Variants in GREB1L observed in about 807,000 individuals in gnomAD.
The protein encoded by GREB1L is GREB1 like retinoic acid receptor coactivator.
In GREB1L, 17 loss-of-function variants were observed where a neutral mutation model predicts 200.8. The observed-to-expected ratio is 0.08, with a 90% CI of 0.06 to 0.13. The LOEUF is 0.13. Among genes scored for constraint, GREB1L ranks in the 10% least tolerant of loss-of-function variants. The pLI is 1.00. For synonymous variants in GREB1L, 789 were observed against 893.0 expected (o/e 0.88, Z 2.08); for missense variants, 1,657 against 2,367.7 (o/e 0.70, Z 6.23).
At chr18:21,269,512 C>T (rs1323851490) in intron 1 of GREB1L, among the ~76,000 whole-genome samples, 1 of 152,060 alleles carries the variant, frequency 6.6e-6, no homozygotes, top group Non-Finnish European at 1.5e-5. Context: ...ATGTAGTATA[C>T]AAGATAACAA....
chr18:21,451,944 C>A, intron 13 of GREB1L, 139 bp from the exon 14 acceptor site: 1 of 690,988 alleles, frequency 1.4e-6, no homozygotes, highest in South Asian at 1.9e-5. Flanking sequence ...ATAAAGATGG[C>A]CAAGTGTAAA....
chr18:21,520,621 TC>T, intron 31 of GREB1L, 66 bp from the exon 32 acceptor site: 3 of 1,506,160 alleles, frequency 2.0e-6, no homozygotes, highest in Admixed American at 3.9e-5. Flanking sequence ...ACTGAGTCAT[TC>T]TGCTGAACTG....
intron 1 of GREB1L, among the ~76,000 whole-genome samples, chr18:21,348,481 A>C (rs1209191591): frequency 6.6e-6 from 1 of 152,094 alleles, no homozygotes; most frequent in Non-Finnish European, 1.5e-5. Context: ...TCTACAAAAA[A>C]TTTAAAAATT....
intron 2 of GREB1L, among the ~76,000 whole-genome samples, chr18:21,375,989 C>T (rs1307257373): frequency 6.6e-6 from 1 of 152,202 alleles, no homozygotes; most frequent in Non-Finnish European, 1.5e-5. Flanking sequence ...ATGTGCTTCA[C>T]ATACAACTTT....
rs1160255119 is a variant in GREB1L, at chr18:21,483,706, T to C, written c.2557-1914T>C. Among the ~76,000 whole-genome samples the C allele has an allele frequency of 2.0e-5, 3 of 152,102 alleles. No homozygotes were observed. In the East Asian group the frequency reaches 5.8e-4, roughly 29 times the overall value. On this transcript the variant is annotated intron_variant, in intron 17 of 32. Coordinates refer to ENST00000424526, the MANE Select transcript of GREB1L (RefSeq NM_001142966.3). ...AAAAGCTCAGAACCAGCCGGGCACA[T>C]TGGCTCATGTCTGTAATCCCAGCAC... is the stretch of plus-strand genomic sequence containing the variant.
chr18:21,362,247 T>C (rs1339959819), intron 1 of GREB1L, among the ~76,000 whole-genome samples: 1 of 152,154 alleles, frequency 6.6e-6, no homozygotes, highest in East Asian at 1.9e-4. Context: ...TTTAAGTAAC[T>C]GATATGTTGA....
At chr18:21,254,115 G>C (rs1284486927) in intron 1 of GREB1L, among the ~76,000 whole-genome samples, 1 of 138,758 alleles carries the variant, frequency 7.2e-6, no homozygotes, top group Non-Finnish European at 1.5e-5. Context: ...TGTCTCCCAG[G>C]CTGGAGTGCA....
chr18:21,492,084 T>C (rs561281780), intron 19 of GREB1L, among the ~76,000 whole-genome samples: 26 of 152,146 alleles, frequency 1.7e-4, no homozygotes, highest in East Asian at 1.4e-3. Flanking sequence ...CGGTAGCTCA[T>C]GCCTGTAATC....
At chr18:21,357,742 G>T (rs2039526182) in intron 1 of GREB1L, among the ~76,000 whole-genome samples, 1 of 152,164 alleles carries the variant, frequency 6.6e-6, no homozygotes, top group Non-Finnish European at 1.5e-5. Context: ...CCCATTGTGT[G>T]TTCTTGGCCT....
intron 2 of GREB1L, among the ~76,000 whole-genome samples, chr18:21,379,029 C>T (rs1216180542): frequency 6.6e-6 from 1 of 151,908 alleles, no homozygotes; most frequent in Non-Finnish European, 1.5e-5. Flanking sequence ...GCCACCAGGC[C>T]CAGCCTGATT....
At chr18:21,416,038 G>A (rs988560295) in intron 7 of GREB1L, among the ~76,000 whole-genome samples, 6 of 152,122 alleles carry the variant, frequency 3.9e-5, no homozygotes, top group African/African-American at 9.7e-5. Context: ...GAACTGACAC[G>A]TTAGAGTCAG....
intron 7 of GREB1L, among the ~76,000 whole-genome samples, chr18:21,436,318 T>C (rs947603468): frequency 2.0e-5 from 3 of 152,048 alleles, no homozygotes; most frequent in African/African-American, 4.8e-5. Context: ...CAAGGAGAGA[T>C]GTAGGCTGAG....
At chr18:21,495,421 T>C (rs2036506277) in intron 19 of GREB1L, among the ~76,000 whole-genome samples, 2 of 152,242 alleles carry the variant, frequency 1.3e-5, no homozygotes, top group Admixed American at 1.3e-4. Context: ...TGGCTTGTGT[T>C]ACTAATGTCT....
intron 23 of GREB1L, among the ~76,000 whole-genome samples, chr18:21,502,773 C>T (rs538135123): frequency 9.2e-5 from 14 of 152,284 alleles, no homozygotes; most frequent in Admixed American, 4.6e-4. Flanking sequence ...GACCGGGAGT[C>T]GAGGCCTGCC....
At chr18:21,431,391 A>G (rs964801955) in intron 7 of GREB1L, among the ~76,000 whole-genome samples, 3 of 152,202 alleles carry the variant, frequency 2.0e-5, no homozygotes, top group African/African-American at 7.2e-5. Flanking sequence ...TTGGTTATTT[A>G]GGAATGTGTT....
chr18:21,363,317 C>T (rs1302956625), intron 1 of GREB1L, among the ~76,000 whole-genome samples: 1 of 136,184 alleles, frequency 7.3e-6, no homozygotes, highest in Non-Finnish European at 1.6e-5. Context: ...ACAAGAACTC[C>T]TCCTGCCTAT....
At chr18:21,277,171 G>A (rs1308198320) in intron 1 of GREB1L, among the ~76,000 whole-genome samples, 2 of 151,916 alleles carry the variant, frequency 1.3e-5, no homozygotes, top group Admixed American at 6.6e-5. Context: ...CTTGTGATCC[G>A]CCTGCCTCGG....
At chr18:21,337,692 AAAT>A (rs1281046706) in intron 1 of GREB1L, among the ~76,000 whole-genome samples, 4 of 152,126 alleles carry the variant, frequency 2.6e-5, no homozygotes, top group African/African-American at 9.7e-5. Context: ...GTCTTTTTAA[AAAT>A]TCTTTTTTTC....
At chr18:21,448,056 G>A (rs1598856843) in intron 11 of GREB1L, among the ~76,000 whole-genome samples, 5 of 151,836 alleles carry the variant, frequency 3.3e-5, no homozygotes, top group East Asian at 1.9e-4. Context: ...CAGATACTCC[G>A]GAGGCTGAGA....
Sources: gnomAD v4.1 joint callset for allele counts (sites outside exome capture counted in the v4.1 genomes callset) on GRCh38, gnomAD v4.1.1 for gene constraint, MANE v1.5 for transcripts, NCBI Gene and HGNC (gene_info 2026-07-23, HGNC 2026-07-21) for gene names.